The following BCL7C variants were observed in gnomAD, a reference collection of about 807,000 sequenced individuals.
The protein encoded by BCL7C is BAF chromatin remodeling complex subunit BCL7C.
Under a neutral mutation model 26.2 loss-of-function variants are expected in BCL7C, and 8 were observed. That is an observed-to-expected ratio of 0.30 (90% CI 0.18 to 0.55). The LOEUF is 0.55. Among genes scored for constraint, BCL7C ranks in the 20% least tolerant of loss-of-function variants. The pLI is 0.93. For missense variants in BCL7C, 262 were observed against 298.5 expected (o/e 0.88, Z 0.90); for synonymous variants, 90 against 116.5 (o/e 0.77, Z 1.47).
At chr16:30,875,469 CCG>C (rs1424033384) in intron 5 of BCL7C, 1 of 152,302 alleles carries the variant, frequency 6.6e-6, no homozygotes, top group Non-Finnish European at 1.5e-5. Context: ...GCCTTTGTCT[CCG>C]CGGAGCGTCA....
At chr16:30,849,932 A>T (rs1251001631) in intron 5 of BCL7C, among the ~76,000 whole-genome samples, 2 of 151,998 alleles carry the variant, frequency 1.3e-5, no homozygotes, top group Admixed American at 1.3e-4. Context: ...CTGAAGAAAT[A>T]TGCCTTCCAG....
chr16:30,870,589 C>T (rs573638465), intron 5 of BCL7C, among the ~76,000 whole-genome samples: 4 of 152,060 alleles, frequency 2.6e-5, no homozygotes, highest in African/African-American at 4.8e-5. Context: ...GCAGGAGGAT[C>T]GCTTGAGCCC....
At chr16:30,855,768 A>C (rs1274647453) in intron 5 of BCL7C, among the ~76,000 whole-genome samples, 1 of 152,014 alleles carries the variant, frequency 6.6e-6, no homozygotes, top group East Asian at 1.9e-4. Flanking sequence ...CTATTTAAAA[A>C]GAAAAGAAAG....
At chr16:30,840,727 A>C (rs1238338712) in intron 5 of BCL7C, 1 of 152,218 alleles carries the variant, frequency 6.6e-6, no homozygotes, top group Non-Finnish European at 1.5e-5. Flanking sequence ...GTCCCAGGAA[A>C]CTTACAGTCA....
Position 30,888,094 on chromosome 16 carries a change from C to T in BCL7C, c.529-104G>A, listed in dbSNP as rs983822701. ...CTCCACTCCCCTCCCCTCCTGGGCC[C>T]GGGAGGCAAGCCCAGGGCCAGATGC... On this transcript the variant is annotated intron_variant, in intron 5 of 5. Transcript: ENST00000215115. 2.8e-5 allele frequency: 34 copies of T among 1,220,098 alleles called. No homozygotes were observed. In the African/African-American group the frequency reaches 3.3e-4, roughly 12 times the overall value. 75.6% of individuals were successfully genotyped at this position (1,220,098 alleles called of 1,614,324 possible).
intron 5 of BCL7C, among the ~76,000 whole-genome samples, chr16:30,874,453 C>CA (rs1285453576): frequency 3.9e-5 from 6 of 151,972 alleles, no homozygotes; most frequent in Admixed American, 2.0e-4. Flanking sequence ...CCTGACTCTA[C>CA]AAAAAACAGA....
At chr16:30,860,985 C>T (rs954957524) in intron 5 of BCL7C, among the ~76,000 whole-genome samples, 1 of 152,150 alleles carries the variant, frequency 6.6e-6, no homozygotes, top group Non-Finnish European at 1.5e-5. Context: ...GACTAGCCCT[C>T]CCCCATCTGC....
chr16:30,891,466 GAAAAA>G (rs2055234974), intron 4 of BCL7C, among the ~76,000 whole-genome samples: 1 of 152,018 alleles, frequency 6.6e-6, no homozygotes. Flanking sequence ...TCAAAGAAAA[GAAAAA>G]GAGAAAAGAA....
At chr16:30,855,307 C>G (rs184456370) in intron 5 of BCL7C, among the ~76,000 whole-genome samples, 1 of 151,918 alleles carries the variant, frequency 6.6e-6, no homozygotes, top group East Asian at 1.9e-4. Context: ...GACATGATCT[C>G]GGCTCACTGC....
Position 30,893,956 on chromosome 16 carries a change from T to A in BCL7C, c.-12A>T, listed in dbSNP as rs1241251631. The A allele has an allele frequency of 6.6e-7, 1 of 1,505,222 alleles. No individual in the cohort carries two copies. The highest frequency in any genetic ancestry group is 8.9e-7 in the Non-Finnish European group (1 of 1,127,434). 93.2% of individuals were successfully genotyped at this position (1,505,222 alleles called of 1,614,324 possible). A position where few individuals can be genotyped will look rare whatever the true frequency, so the allele number is the denominator to read the frequency against. ...GTCCGGCCGGCCATGCTGGCGGGGC[T>A]GGGGCCGGGGCCGAGCCCGCGGCGG... On this transcript the variant is annotated 5_prime_UTR_variant, in exon 1 of 6. Transcript: ENST00000215115. This position sits in a 1 kb window ranked among gnomAD's most constrained non-coding sequence, Gnocchi z 5.2.
intron 5 of BCL7C, among the ~76,000 whole-genome samples, chr16:30,864,722 A>T (rs1262403115): frequency 6.6e-6 from 1 of 152,170 alleles, no homozygotes; most frequent in Non-Finnish European, 1.5e-5. Context: ...GCACGTATAC[A>T]TCCAGATGGC....
chr16:30,877,962 G>C (rs1179493629), intron 5 of BCL7C, among the ~76,000 whole-genome samples: 9 of 149,492 alleles, frequency 6.0e-5, no homozygotes, highest in Non-Finnish European at 1.0e-4. Context: ...ATCACCTGAG[G>C]TCAGGAGTTC....
intron 5 of BCL7C, among the ~76,000 whole-genome samples, chr16:30,862,951 A>C (rs2054791249): frequency 6.6e-6 from 1 of 152,172 alleles, no homozygotes. Context: ...CTTTTTGATT[A>C]CACACAGCTG....
chr16:30,848,921 T>C (rs4889611), intron 5 of BCL7C, among the ~76,000 whole-genome samples: 144,466 of 148,782 alleles, frequency 0.97, 70,255 homozygotes, highest in South Asian at 1. Context: ...GGCGCGGTGG[T>C]TCATGCCTGT....
intron 5 of BCL7C, among the ~76,000 whole-genome samples, chr16:30,881,061 C>T (rs374055189): frequency 7.9e-5 from 12 of 151,934 alleles, no homozygotes; most frequent in East Asian, 3.9e-4. Flanking sequence ...ACATCAAAGA[C>T]GGGGGAAAAA....
intron 5 of BCL7C, chr16:30,876,053 A>G (rs139805744): frequency 6.6e-6 from 1 of 152,520 alleles, no homozygotes; most frequent in East Asian, 1.9e-4. Context: ...TGGAGGAACA[A>G]AGGAGGGCCG....
At chr16:30,851,568 G>A (rs1596587107) in intron 5 of BCL7C, 1 of 345,150 alleles carries the variant, frequency 2.9e-6, no homozygotes, top group Non-Finnish European at 5.4e-6. Flanking sequence ...GTTATGCGAT[G>A]TGTGGTTGTT....
At chr16:30,869,076 G>A (rs1199574111) in intron 5 of BCL7C, among the ~76,000 whole-genome samples, 1 of 151,898 alleles carries the variant, frequency 6.6e-6, no homozygotes, top group Non-Finnish European at 1.5e-5. Flanking sequence ...CCATGGCTTT[G>A]TGAGTCGACA....
rs894410356 is a variant in BCL7C at position 30,890,652 on chromosome 16, C to T, written c.443-1707G>A. Among the ~76,000 whole-genome samples the T allele has an allele frequency of 2.0e-5, 3 of 152,116 alleles. No homozygotes were observed. The South Asian group carries it at 6.2e-4, about 31-fold the overall frequency. ...ATCACCTGAGGTCAGGGGTACGAGA[C>T]TAGCCAGGCCAACATGGTGAAACTC... On this transcript the variant is annotated intron_variant, in intron 4 of 5. Coordinates refer to ENST00000215115, the MANE Select transcript of BCL7C (RefSeq NM_004765.4).
Sources: allele counts gnomAD v4.1 joint callset (sites outside exome capture counted in the v4.1 genomes callset), GRCh38; gene constraint gnomAD v4.1.1; non-coding constraint Gnocchi (gnomAD v3.1); transcripts MANE v1.5; gene names NCBI Gene and HGNC (gene_info 2026-07-23, HGNC 2026-07-21).